Variants in HEPH observed in about 807,000 individuals in gnomAD.
HEPH encodes hephaestin.
A neutral mutation model predicts 80.8 loss-of-function variants in HEPH; 69 were observed. The observed-to-expected ratio is 0.85, with a 90% confidence interval of 0.70 to 1.04. The LOEUF is 1.04. HEPH is among the 50% of genes least tolerant of loss of function. The pLI is 0.00. For missense variants in HEPH, 1,115 were observed against 891.3 expected (o/e 1.25, Z -3.20); for synonymous variants, 431 against 322.8 (o/e 1.34, Z -3.60).
At chrX:66,246,010 G>A (rs762488618) in intron 15 of HEPH, among the ~76,000 whole-genome samples, 21 of 112,208 alleles carry the variant, frequency 1.9e-4, no homozygotes, top group Non-Finnish European at 1.9e-4. Context: ...TGTCCTTGCC[G>A]GGTCAGCTGT....
rs111854968 is a variant in HEPH, at chrX:66,223,731, AT to A, written c.2563+15493del. On this transcript the variant is annotated intron_variant, in intron 15 of 20. Transcript: ENST00000343002. ...AAAACTTGCCAAAACCTTCAAAACA[AT>A]TTTTTTTAACCTTTTAATGTAGGTA... Among the ~76,000 whole-genome samples the A allele has an allele frequency of 9.3e-3, 1,030 of 111,169 alleles. 17 individuals carry two copies. Among genetic ancestry groups the A allele is most frequent in the African/African-American group, 0.03 (933 of 30,693 alleles).
intron 15 of HEPH, among the ~76,000 whole-genome samples, chrX:66,236,524 TG>T (rs1330617520): frequency 3.6e-5 from 4 of 112,047 alleles, no homozygotes; most frequent in Non-Finnish European, 5.6e-5. Flanking sequence ...GCCAGTATTT[TG>T]TTGATGATAT....
In HEPH at chrX:66,225,777, C is replaced by T. The variant is rs757601641; in HGVS notation, c.2563+17531C>T. On this transcript the variant is annotated intron_variant, in intron 15 of 20. Transcript: ENST00000343002. ...GATGCTCCACAGGGCAGGCCTAAGC[C>T]GCCTAAGGGGCTGCCTCGACTATCT... Among the ~76,000 whole-genome samples the T allele has an allele frequency of 8.0e-5, 9 of 112,969 alleles. No individual in the cohort carries two copies. The East Asian group carries it at 2.2e-3, about 28-fold the overall frequency.
chrX:66,253,345 C>A (rs2091067079), intron 15 of HEPH, among the ~76,000 whole-genome samples: 1 of 112,137 alleles, frequency 8.9e-6, no homozygotes, highest in Admixed American at 9.4e-5. Context: ...GGATATTAAG[C>A]ACAAGAGAAG....
intron 15 of HEPH, among the ~76,000 whole-genome samples, chrX:66,215,743 C>A (rs188068286): frequency 9.0e-6 from 1 of 111,181 alleles, no homozygotes; most frequent in Admixed American, 9.5e-5. Flanking sequence ...AATCCACAGA[C>A]CCTTTGATGG....
At chrX:66,218,732 G>T (rs779070524) in intron 15 of HEPH, among the ~76,000 whole-genome samples, 1 of 111,081 alleles carries the variant, frequency 9.0e-6, no homozygotes, top group Non-Finnish European at 1.9e-5. Flanking sequence ...GGTCGTGATC[G>T]ATTGAGCAAG....
chrX:66,251,154 A>G (rs1190275540), intron 15 of HEPH, among the ~76,000 whole-genome samples: 1 of 112,529 alleles, frequency 8.9e-6, no homozygotes, highest in Non-Finnish European at 1.9e-5. Context: ...GTGTGCTGGG[A>G]TTACAGGTGC....
intron 18 of HEPH, among the ~76,000 whole-genome samples, chrX:66,259,332 A>G (rs191062948): frequency 8.9e-6 from 1 of 111,888 alleles, no homozygotes; most frequent in East Asian, 2.8e-4. Flanking sequence ...AAAGTCCTTA[A>G]TCTATTATAA....
At chrX:66,195,801 A>T (rs1394779255) in intron 9 of HEPH, among the ~76,000 whole-genome samples, 2 of 111,980 alleles carry the variant, frequency 1.8e-5, no homozygotes, top group Non-Finnish European at 3.8e-5. Flanking sequence ...CAATGAATGA[A>T]TGCATATATC....
intron 13 of HEPH, among the ~76,000 whole-genome samples, chrX:66,204,053 T>C (rs2088628751): frequency 8.9e-6 from 1 of 112,265 alleles, no homozygotes; most frequent in Non-Finnish European, 1.9e-5. Flanking sequence ...GTGAACCCTA[T>C]CATCCTCAGC....
At chrX:66,189,315 A>G (rs1453617955) in intron 5 of HEPH, among the ~76,000 whole-genome samples, 1 of 112,532 alleles carries the variant, frequency 8.9e-6, no homozygotes, top group Non-Finnish European at 1.9e-5. Context: ...TGTCCTGTGG[A>G]AATTTTTAGA....
Position 66,181,981 on chromosome X carries a change from C to G in HEPH, c.626-6378C>G, listed in dbSNP as rs796569239. ...AATCCTTTTCCCATTGCTTGTTTTT[C>G]TCAGGTTTGTCAAAGATAAGATAGT... On this transcript the variant is annotated intron_variant, in intron 4 of 20. Coordinates refer to ENST00000343002, the MANE Select transcript of HEPH (RefSeq NM_001367233.3). Among the ~76,000 whole-genome samples, 335 of 110,125 alleles carry G rather than the reference C, an allele frequency of 3.0e-3. 2 individuals are homozygous for G. The highest frequency in any genetic ancestry group is 0.01 in the African/African-American group (318 of 30,339).
intron 15 of HEPH, among the ~76,000 whole-genome samples, chrX:66,237,405 A>G (rs776397647): frequency 4.5e-5 from 5 of 112,242 alleles, no homozygotes; most frequent in Non-Finnish European, 9.4e-5. Context: ...GTCATTCAGA[A>G]GCAGGTTATT....
intron 15 of HEPH, among the ~76,000 whole-genome samples, chrX:66,236,033 T>A (rs1044649946): frequency 1.8e-5 from 2 of 112,034 alleles, no homozygotes; most frequent in African/African-American, 6.5e-5. Flanking sequence ...TTTCTAGATA[T>A]AGGATCATGT....
chrX:66,257,432 TCTTC>T (rs1278519641), intron 17 of HEPH, among the ~76,000 whole-genome samples: 2 of 112,138 alleles, frequency 1.8e-5, no homozygotes, highest in Non-Finnish European at 3.8e-5. Flanking sequence ...AACATCCCTC[TCTTC>T]CTTTTCAGGT....
chrX:66,204,364 G>A lies in HEPH; in HGVS notation c.2291+787G>A, dbSNP rs935243534. Among the ~76,000 whole-genome samples, 5 of 112,212 alleles carry A rather than the reference G, an allele frequency of 4.5e-5. 1 individual carries two copies. The highest frequency in any genetic ancestry group is 1.6e-4 in the African/African-American group (5 of 30,914). Reference sequence around the variant, plus strand: ...AGAACGGAAATGGAGATACAAATTAGCAGTCTCCACTACTTTGTTTTTGGT... The same window carrying A: ...AGAACGGAAATGGAGATACAAATTAACAGTCTCCACTACTTTGTTTTTGGT... On this transcript the variant is annotated intron_variant, in intron 13 of 20. Coordinates refer to ENST00000343002, the MANE Select transcript of HEPH (RefSeq NM_001367233.3).
intron 15 of HEPH, among the ~76,000 whole-genome samples, chrX:66,215,198 GT>G (rs1319231667): frequency 7.2e-5 from 8 of 110,995 alleles, no homozygotes; most frequent in African/African-American, 2.6e-4. Context: ...ATGCTTCTTA[GT>G]TTTTCTTACT....
At position 66,266,559 on chromosome X, in the gene HEPH, G is replaced by A. The variant is rs753416909; in HGVS notation, c.3364G>A (p.Val1122Ile). ...TGCCATTAGTGTCACCCTTCTGCTC[G>A]TTGTTCTGGCTCTTGGTGGAGTGGT... Reference protein sequence around the residue: ...LVAISVTLLLVVLALGGVVWY... With the variant: ...LVAISVTLLLIVLALGGVVWY... The change falls in exon 21 of 21, where the codon GTT (valine) becomes ATT (isoleucine). Residue 1122 changes from valine (V) to isoleucine (I), a missense_variant. This residue lies in a region of HEPH where 716 missense variants were observed against 523.5 expected (regional missense o/e 1.37). Coordinates refer to ENST00000343002, the MANE Select transcript of HEPH (RefSeq NM_001367233.3). 6.0e-5 allele frequency: 73 copies of A among 1,207,772 alleles called. No individual in the cohort carries two copies. In the South Asian group the frequency reaches 1.1e-3, roughly 19 times the overall value.
chrX:66,223,531 G>C (rs1289905487), intron 15 of HEPH, among the ~76,000 whole-genome samples: 1 of 111,596 alleles, frequency 9.0e-6, no homozygotes, highest in Non-Finnish European at 1.9e-5. Context: ...CATAAGGTAA[G>C]ATTTTTATAG....
Sources: gnomAD v4.1 joint callset for allele counts (sites outside exome capture counted in the v4.1 genomes callset) on GRCh38, gnomAD v4.1.1 for gene constraint, gnomAD v4.1.1 regional missense constraint, MANE v1.5 for transcripts, NCBI Gene and HGNC (gene_info 2026-07-23, HGNC 2026-07-21) for gene names.